The following PCCB variants were observed in gnomAD, a reference collection of about 807,000 sequenced individuals.
PCCB encodes propionyl-CoA carboxylase beta chain, mitochondrial.
In PCCB, 43 loss-of-function variants were observed where a neutral mutation model predicts 60.7. That is an observed-to-expected ratio of 0.71 (90% confidence interval 0.55 to 0.91). The LOEUF (loss-of-function observed/expected upper bound fraction) is 0.91. Among genes scored for constraint, PCCB ranks in the 40% least tolerant of loss-of-function variants. The pLI is 0.00. For missense variants in PCCB, 766 were observed against 702.8 expected (o/e 1.09, Z -1.02); for synonymous variants, 276 against 255.9 (o/e 1.08, Z -0.75).
chr3:136,322,051 C>G (rs556272243), intron 10 of PCCB, among the ~76,000 whole-genome samples: 59 of 152,276 alleles, frequency 3.9e-4, no homozygotes, highest in Non-Finnish European at 8.2e-4. Context: ...TTGGTCTTAG[C>G]AGGAAAACTT....
At chr3:136,290,988 T>A (rs1933662749) in intron 6 of PCCB, among the ~76,000 whole-genome samples, 1 of 152,128 alleles carries the variant, frequency 6.6e-6, no homozygotes, top group Admixed American at 6.6e-5. Flanking sequence ...ATGCCCAGTC[T>A]ACCAAAAAAC....
At chr3:136,308,679 A>G (rs901121110) in intron 9 of PCCB, among the ~76,000 whole-genome samples, 3 of 152,224 alleles carry the variant, frequency 2.0e-5, no homozygotes, top group African/African-American at 7.2e-5. Context: ...AAAGTTGATC[A>G]TATGTATTAG....
At chr3:136,258,210 T>C (rs949009601) in intron 3 of PCCB, among the ~76,000 whole-genome samples, 1 of 152,192 alleles carries the variant, frequency 6.6e-6, no homozygotes, top group Non-Finnish European at 1.5e-5. Flanking sequence ...ATTCACTGAA[T>C]TGATACTTTT....
At chr3:136,312,529 G>T (rs772611601) in intron 9 of PCCB, among the ~76,000 whole-genome samples, 2 of 152,170 alleles carry the variant, frequency 1.3e-5, no homozygotes, top group African/African-American at 2.4e-5. Context: ...TTTAATAAAT[G>T]ATGCTGGGGC....
chr3:136,254,889 T>G (rs1159457723), intron 1 of PCCB, among the ~76,000 whole-genome samples: 2 of 151,420 alleles, frequency 1.3e-5, no homozygotes, highest in African/African-American at 4.9e-5. Context: ...TTTTTTTTTT[T>G]TTTGGGACGG....
At chr3:136,256,361 A>G (rs1266743278) in intron 2 of PCCB, 194 bp from the exon 3 acceptor site, 17 of 627,080 alleles carry the variant, frequency 2.7e-5, no homozygotes, top group South Asian at 5.7e-5. Context: ...ATTCACTCCT[A>G]TTGATGAAGT....
chr3:136,317,577 T>C (rs970052995), intron 10 of PCCB, among the ~76,000 whole-genome samples: 3 of 152,160 alleles, frequency 2.0e-5, no homozygotes, highest in African/African-American at 7.2e-5. Context: ...ATACTCCTTT[T>C]CAAAGGTTTA....
chr3:136,278,460 A>G (rs1942389675), intron 5 of PCCB, among the ~76,000 whole-genome samples: 1 of 152,172 alleles, frequency 6.6e-6, no homozygotes, highest in African/African-American at 2.4e-5. Context: ...GAGGCATGCT[A>G]ACACTGCTTC....
At chr3:136,252,308 A>C in intron 1 of PCCB, 1 of 455,036 alleles carries the variant, frequency 2.2e-6, no homozygotes. Flanking sequence ...CCCAGGCTAG[A>C]GTGCAGCAGC....
In PCCB at chr3:136,328,820, C is replaced by G. The variant is rs778676531; in HGVS notation, c.1461C>G (p.Ile487Met). Residue 487 changes from isoleucine (I) to methionine (M), a missense_variant, in exon 14 of 15, where the codon ATC (isoleucine) becomes ATG (methionine). Coordinates refer to ENST00000251654, the MANE Select transcript of PCCB (RefSeq NM_000532.5). The part of the protein sequence containing the change: ...ENVEAAQAEY[I>M]EKFANPFPAA... ...TGGAAGCTGCTCAGGCAGAGTACAT[C>G]GAGAAGTTTGCCAACCCTTTCCCTG... is the stretch of plus-strand genomic sequence containing the variant. The G allele has an allele frequency of 2.0e-5, 33 of 1,614,030 alleles. No homozygotes were observed. Among genetic ancestry groups the G allele is most frequent in the Non-Finnish European group, 2.8e-5 (33 of 1,179,990 alleles).
intron 5 of PCCB, among the ~76,000 whole-genome samples, chr3:136,272,786 A>G (rs1348699601): frequency 6.6e-6 from 1 of 151,622 alleles, no homozygotes; most frequent in Non-Finnish European, 1.5e-5. Flanking sequence ...TTTTCAAGGA[A>G]CCAAGTTTTT....
rs1935431116 is a variant in PCCB at position 136,328,871 on chromosome 3, G to A, written c.1498+14G>A. ...CAGCAGTGCGAGGTAGGGGACTGTG[G>A]TGAAGAGGGCAGCTTTGTTTGTTTG... On this transcript the variant is annotated intron_variant, in intron 14 of 14. Coordinates refer to ENST00000251654, the MANE Select transcript of PCCB (RefSeq NM_000532.5). 2 of 1,579,598 alleles carry A rather than the reference G, an allele frequency of 1.3e-6. No homozygotes were observed. Among genetic ancestry groups the A allele is most frequent in the Admixed American group, 1.7e-5 (1 of 59,962 alleles).
At chr3:136,327,547 C>T in intron 12 of PCCB, 87 bp from the exon 13 acceptor site, 1 of 1,031,776 alleles carries the variant, frequency 9.7e-7, no homozygotes, top group Non-Finnish European at 1.5e-6. Flanking sequence ...TGTTCTTTGT[C>T]CCAATTTTAC....
intron 10 of PCCB, among the ~76,000 whole-genome samples, chr3:136,321,430 A>G (rs1287875416): frequency 1.3e-5 from 2 of 152,240 alleles, no homozygotes; most frequent in Admixed American, 1.3e-4. Context: ...ATTGACTCAC[A>G]GTTCCATATG....
chr3:136,307,791 C>T (rs1026870026), intron 9 of PCCB, among the ~76,000 whole-genome samples: 6 of 151,904 alleles, frequency 3.9e-5, no homozygotes. Context: ...GCCTGACCAA[C>T]ATGGAGAAAC....
At chr3:136,290,357 C>T (rs913749277) in intron 6 of PCCB, among the ~76,000 whole-genome samples, 1 of 152,114 alleles carries the variant, frequency 6.6e-6, no homozygotes, top group African/African-American at 2.4e-5. Context: ...CCACTCTCTT[C>T]GTTCTTGCAT....
At chr3:136,256,258 C>T (rs556169977) in intron 2 of PCCB, 97 of 562,918 alleles carry the variant, frequency 1.7e-4, no homozygotes, top group African/African-American at 1.5e-3. Context: ...TTTCTTTATA[C>T]GTCCTCCTTC....
chr3:136,273,597 C>CTTTTTTTTTT, intron 5 of PCCB, among the ~76,000 whole-genome samples: 1 of 45,222 alleles, frequency 2.2e-5, no homozygotes, highest in Non-Finnish European at 4.2e-5. Flanking sequence ...TTTCTTTTTT[C>CTTTTTTTTTT]TTTTTTTTTT....
chr3:136,313,083 G>A (rs1934733163), intron 9 of PCCB, among the ~76,000 whole-genome samples: 2 of 152,070 alleles, frequency 1.3e-5, no homozygotes, highest in African/African-American at 4.8e-5. Flanking sequence ...TAAAAACCCC[G>A]AAAACACTTT....
Sources: gnomAD v4.1 joint callset for allele counts (sites outside exome capture counted in the v4.1 genomes callset) on GRCh38, gnomAD v4.1.1 for gene constraint, MANE v1.5 for transcripts, NCBI Gene and HGNC (gene_info 2026-07-23, HGNC 2026-07-21) for gene names.